The following MARCHF1 variants were observed in gnomAD, a reference collection of about 807,000 sequenced individuals.
MARCHF1 encodes the protein membrane associated ring-CH-type finger 1, also known as E3 ubiquitin-protein ligase MARCHF1.
In MARCHF1, 40 loss-of-function variants were observed where a neutral mutation model predicts 54.2. That is an observed-to-expected ratio of 0.74 (90% CI 0.57 to 0.96). The LOEUF is 0.96. Ranked by LOEUF, MARCHF1 falls within the 40% of genes least tolerant of loss-of-function variation. MARCHF1 has a pLI of 0.00. For synonymous variants in MARCHF1, 236 were observed against 236.3 expected (o/e 1.00, Z 0.01); for missense variants, 586 against 656.5 (o/e 0.89, Z 1.17).
rs866087196 is a variant in MARCHF1, at chr4:163,573,469, C to T, written c.1191+12280G>A. Among the ~76,000 whole-genome samples, 385 of 113,570 alleles carry T rather than the reference C, an allele frequency of 3.4e-3. 2 individuals carry two copies. The highest frequency in any genetic ancestry group is 9.4e-3 in the African/African-American group (290 of 30,846). 74.5% of individuals were successfully genotyped at this position (113,570 alleles called of 152,430 possible). ...CAGTGCTATCCCTCCCCCCTCCCCC[C>T]ACCCCACAACAGTCCCCAGAGTGTG... On this transcript the variant is annotated intron_variant, in intron 8 of 9. Transcript: ENST00000514618.
rs150458467 is a variant in MARCHF1 at position 163,599,297 on chromosome 4, T to TTATATATA, written c.1010+12966_1010+12973dup. Among the ~76,000 whole-genome samples the TTATATATA allele has an allele frequency of 2.4e-3, 346 of 146,752 alleles. 7 individuals carry two copies. Among genetic ancestry groups the TTATATATA allele is most frequent in the African/African-American group, 8.2e-3 (323 of 39,506 alleles). On this transcript the variant is annotated intron_variant, in intron 7 of 9. Coordinates refer to ENST00000514618, the MANE Select transcript of MARCHF1 (RefSeq NM_001394959.1). ...AGAGTGAGACTCCATCTCAAAAAAA[T>TTATATATA]TATATATATATATATGTTTTATTTT... is the stretch of plus-strand genomic sequence containing the variant.
intron 4 of MARCHF1, among the ~76,000 whole-genome samples, chr4:163,812,885 G>A (rs1430165647): frequency 1.3e-5 from 2 of 152,180 alleles, no homozygotes; most frequent in African/African-American, 4.8e-5. Flanking sequence ...ACTATAGACT[G>A]TATAACATCA....
At chr4:163,752,097 T>C (rs1267204023) in intron 4 of MARCHF1, among the ~76,000 whole-genome samples, 1 of 152,176 alleles carries the variant, frequency 6.6e-6, no homozygotes, top group Non-Finnish European at 1.5e-5. Flanking sequence ...GTGGAATTTT[T>C]CTGTGAAGAC....
chr4:163,650,655 T>C (rs910310966), intron 5 of MARCHF1, among the ~76,000 whole-genome samples: 2 of 152,026 alleles, frequency 1.3e-5, no homozygotes, highest in Non-Finnish European at 2.9e-5. Context: ...TAAAACCTTT[T>C]CATTTACTTA....
intron 1 of MARCHF1, among the ~76,000 whole-genome samples, chr4:164,118,295 T>C (rs1755982680): frequency 6.6e-6 from 1 of 151,398 alleles, no homozygotes; most frequent in African/African-American, 2.4e-5. Flanking sequence ...ATTTTGGGGA[T>C]TACAAAAAAT....
chr4:163,792,836 G>A (rs749415510), intron 4 of MARCHF1, among the ~76,000 whole-genome samples: 1 of 152,178 alleles, frequency 6.6e-6, no homozygotes, highest in African/African-American at 2.4e-5. Context: ...GAAATAAACC[G>A]TAGGACGAAA....
At chr4:163,680,677 A>C (rs575114267) in intron 5 of MARCHF1, among the ~76,000 whole-genome samples, 3 of 152,252 alleles carry the variant, frequency 2.0e-5, no homozygotes, top group South Asian at 4.2e-4. Context: ...TTAGACTTCT[A>C]AACTTTTTTT....
intron 1 of MARCHF1, among the ~76,000 whole-genome samples, chr4:164,261,090 T>C (rs10024368): frequency 0.12 from 17,515 of 151,804 alleles, 1,581 homozygotes; most frequent in African/African-American, 0.25. Flanking sequence ...GAATTGACAC[T>C]GTGCTGTCAC....
chr4:164,001,489 A>C (rs1340315424), intron 2 of MARCHF1, among the ~76,000 whole-genome samples: 1 of 151,806 alleles, frequency 6.6e-6, no homozygotes, highest in African/African-American at 2.4e-5. Flanking sequence ...CTTTTTTCAC[A>C]CTGTATGCAA....
At chr4:163,759,876 T>TA (rs556412365) in intron 4 of MARCHF1, among the ~76,000 whole-genome samples, 7 of 152,238 alleles carry the variant, frequency 4.6e-5, no homozygotes, top group Non-Finnish European at 1.0e-4. Flanking sequence ...ATAAAGCTGA[T>TA]GTGAGCACAC....
chr4:163,927,157 A>T (rs1173648983), intron 3 of MARCHF1, among the ~76,000 whole-genome samples: 1 of 151,740 alleles, frequency 6.6e-6, no homozygotes, highest in African/African-American at 2.4e-5. Flanking sequence ...GAGGCTTCAC[A>T]CTTTTGACAT....
intron 1 of MARCHF1, among the ~76,000 whole-genome samples, chr4:164,158,897 C>T (rs1027866414): frequency 1.6e-4 from 24 of 152,134 alleles, no homozygotes; most frequent in African/African-American, 4.6e-4. Context: ...ATGTCTACTT[C>T]GAGAATCATC....
intron 3 of MARCHF1, among the ~76,000 whole-genome samples, chr4:163,968,181 G>A (rs763537856): frequency 2.0e-5 from 3 of 152,080 alleles, no homozygotes; most frequent in Non-Finnish European, 1.5e-5. Context: ...ATCCATCTCC[G>A]TGAGAACCTT....
At chr4:163,717,759 A>AT (rs1745312211) in intron 4 of MARCHF1, among the ~76,000 whole-genome samples, 1 of 152,042 alleles carries the variant, frequency 6.6e-6, no homozygotes, top group African/African-American at 2.4e-5. Context: ...GATAATGAGC[A>AT]TTTTTTCATG....
chr4:163,867,665 C>A (rs1366627379), intron 3 of MARCHF1, among the ~76,000 whole-genome samples: 2 of 151,638 alleles, frequency 1.3e-5, no homozygotes, highest in Non-Finnish European at 3.0e-5. Flanking sequence ...CTATTCTTTG[C>A]CATTCCCAGA....
Position 164,246,407 on chromosome 4 carries a change from G to A in MARCHF1, c.-322-134745C>T, listed in dbSNP as rs1272905303. ...AAAACTGGCTAGCCATATGTAGAAAGCTGAAACTGGATCCCTTCCTTATAC... is the reference window on the plus strand; with the variant it reads ...AAAACTGGCTAGCCATATGTAGAAAACTGAAACTGGATCCCTTCCTTATAC... On this transcript the variant is annotated intron_variant, in intron 1 of 9. Transcript: ENST00000514618. Among the ~76,000 whole-genome samples, 4 of 49,692 alleles carry A rather than the reference G, an allele frequency of 8.0e-5. 1 individual carries two copies. The highest frequency in any genetic ancestry group is 2.3e-4 in the Admixed American group (1 of 4,334). 32.6% of individuals were successfully genotyped at this position (49,692 alleles called of 152,430 possible). A position where few individuals can be genotyped will look rare whatever the true frequency, so the allele number is the denominator to read the frequency against.
chr4:163,957,756 C>G (rs1752259036), intron 3 of MARCHF1, among the ~76,000 whole-genome samples: 1 of 151,992 alleles, frequency 6.6e-6, no homozygotes, highest in Admixed American at 6.6e-5. Flanking sequence ...AACTTTCACC[C>G]TGTAAGTGGA....
chr4:163,774,113 A>C (rs1747237555), intron 4 of MARCHF1, among the ~76,000 whole-genome samples: 1 of 152,206 alleles, frequency 6.6e-6, no homozygotes. Flanking sequence ...CAACTTCCTT[A>C]TATAAAATGG....
chr4:163,721,343 A>G (rs376764930), intron 4 of MARCHF1, among the ~76,000 whole-genome samples: 3,611 of 152,068 alleles, frequency 0.024, 58 homozygotes, highest in Non-Finnish European at 0.029. Flanking sequence ...ATTGATTTGC[A>G]TATGTTGAAC....
Sources: gnomAD v4.1 joint callset for allele counts (sites outside exome capture counted in the v4.1 genomes callset) on GRCh38, gnomAD v4.1.1 for gene constraint, MANE v1.5 for transcripts, NCBI Gene and HGNC (gene_info 2026-07-23, HGNC 2026-07-21) for gene names.